The following ZDHHC14 variants were observed in gnomAD, a reference collection of about 807,000 sequenced individuals.
ZDHHC14 encodes the protein palmitoyltransferase ZDHHC14.
A neutral mutation model predicts 47.7 loss-of-function variants in ZDHHC14; 16 were observed. That is an observed-to-expected ratio of 0.34 (90% CI 0.23 to 0.51). The LOEUF is 0.51. Ranked by LOEUF, ZDHHC14 falls within the 20% of genes least tolerant of loss-of-function variation. ZDHHC14 has a pLI of 0.97. For missense variants in ZDHHC14, 515 were observed against 662.5 expected (o/e 0.78, Z 2.44); for synonymous variants, 293 against 278.9 (o/e 1.05, Z -0.50).
intron 1 of ZDHHC14, among the ~76,000 whole-genome samples, chr6:157,397,043 C>T (rs1443892792): frequency 6.6e-6 from 1 of 152,146 alleles, no homozygotes; most frequent in Non-Finnish European, 1.5e-5. Flanking sequence ...AATGTCATCA[C>T]CTTGAACCTG....
intron 1 of ZDHHC14, among the ~76,000 whole-genome samples, chr6:157,445,548 G>A (rs927146124): frequency 6.6e-5 from 10 of 152,294 alleles, no homozygotes; most frequent in East Asian, 1.9e-4. Flanking sequence ...GGTCCCTCAC[G>A]GTGTGTGGCA....
intron 1 of ZDHHC14, among the ~76,000 whole-genome samples, chr6:157,540,980 C>CT (rs1306725662): frequency 1.4e-5 from 2 of 145,702 alleles, no homozygotes; most frequent in Non-Finnish European, 3.0e-5. Context: ...GACTGTGTTT[C>CT]TTTTTTTAAC....
chr6:157,381,221 C>T lies in ZDHHC14; in HGVS notation c.-801C>T, dbSNP rs1215489116. 5.3e-5 allele frequency: 8 copies of T among 151,294 alleles called. No individual in the cohort carries two copies. The highest frequency in any genetic ancestry group is 1.7e-4 in the African/African-American group (7 of 41,142). 9.4% of individuals were successfully genotyped at this position (151,294 alleles called of 1,614,324 possible). A position where few individuals can be genotyped will look rare whatever the true frequency, so the allele number is the denominator to read the frequency against. On this transcript the variant is annotated 5_prime_UTR_variant, in exon 1 of 9. Transcript: ENST00000359775. ...TGCAAACAAGTGTCTGTGCTGTGTCCCCGCGGCCCTCCTCGCGCCGGGGCC... is the reference window on the plus strand; with the variant it reads ...TGCAAACAAGTGTCTGTGCTGTGTCTCCGCGGCCCTCCTCGCGCCGGGGCC...
intron 1 of ZDHHC14, among the ~76,000 whole-genome samples, chr6:157,541,622 CATG>C (rs1278563531): frequency 6.6e-6 from 1 of 152,204 alleles, no homozygotes; most frequent in African/African-American, 2.4e-5. Flanking sequence ...CCCCAATGCC[CATG>C]ATGTTATTTA....
In ZDHHC14 at chr6:157,482,329, C is replaced by A. The variant is rs146421821; in HGVS notation, c.246-60256C>A. Reference sequence around the variant, plus strand: ...AGGCTGGAGTGCAGTGGCACGATCTCGGCTCACTCTGCCTCCCATGTTCAA... The same window carrying A: ...AGGCTGGAGTGCAGTGGCACGATCTAGGCTCACTCTGCCTCCCATGTTCAA... On this transcript the variant is annotated intron_variant, in intron 1 of 8. Coordinates refer to ENST00000359775, the MANE Select transcript of ZDHHC14 (RefSeq NM_024630.3). Among the ~76,000 whole-genome samples, 77 of 146,020 alleles carry A rather than the reference C, an allele frequency of 5.3e-4. No homozygotes were observed. In the East Asian group the frequency reaches 0.014, roughly 27 times the overall value.
intron 1 of ZDHHC14, among the ~76,000 whole-genome samples, chr6:157,535,240 T>G (rs1023216738): frequency 6.6e-6 from 1 of 152,188 alleles, no homozygotes; most frequent in Non-Finnish European, 1.5e-5. Context: ...ACTCATGAAC[T>G]CTGCAGGTTC....
At chr6:157,535,178 C>T (rs549555604) in intron 1 of ZDHHC14, among the ~76,000 whole-genome samples, 12 of 152,290 alleles carry the variant, frequency 7.9e-5, no homozygotes, top group African/African-American at 2.2e-4. Context: ...CTTGTCTCCC[C>T]TCCTCCGCTC....
chr6:157,537,833 A>G (rs1009806488), intron 1 of ZDHHC14, among the ~76,000 whole-genome samples: 1 of 152,166 alleles, frequency 6.6e-6, no homozygotes, highest in Admixed American at 6.5e-5. Flanking sequence ...AGAATTTGCC[A>G]TACTGTGCAC....
At chr6:157,478,099 C>T (rs1779534834) in intron 1 of ZDHHC14, among the ~76,000 whole-genome samples, 1 of 152,020 alleles carries the variant, frequency 6.6e-6, no homozygotes, top group African/African-American at 2.4e-5. Flanking sequence ...GGTTCAGTGC[C>T]ACATCCTGGA....
intron 1 of ZDHHC14, among the ~76,000 whole-genome samples, chr6:157,515,457 CTTTTT>C (rs1187323622): frequency 7.7e-6 from 1 of 129,448 alleles, no homozygotes. Context: ...TTTTCTTTTT[CTTTTT>C]TTTTTTTTTT....
intron 1 of ZDHHC14, among the ~76,000 whole-genome samples, chr6:157,464,840 GCC>G (rs1180300026): frequency 1.3e-5 from 2 of 152,306 alleles, no homozygotes; most frequent in East Asian, 3.9e-4. Flanking sequence ...GCCCTTGGCT[GCC>G]TCCCTCACAA....
chr6:157,621,557 A>C (rs1283840710), intron 3 of ZDHHC14, among the ~76,000 whole-genome samples: 2 of 152,154 alleles, frequency 1.3e-5, no homozygotes, highest in East Asian at 3.9e-4. Flanking sequence ...GTCTGCCAAG[A>C]GCCTGTGACC....
In ZDHHC14 at chr6:157,593,088, C is replaced by T. The variant is rs1156740695; in HGVS notation, c.507C>T (p.Thr169=). The part of the protein sequence containing the change: ...GQTVKLKYCF[T]CKIFRPPRAS... ...CCGTGAAACTTAAATACTGTTTCAC[C>T]TGCAAGATTTTCCGGCCCCCTCGCG... is the stretch of plus-strand genomic sequence containing the variant. The change falls in exon 3 of 9, where the codon ACC becomes ACT. Residue 169 remains threonine (T), a synonymous_variant. Transcript: ENST00000359775. The T allele has an allele frequency of 2.5e-6, 4 of 1,614,044 alleles. No individual in the cohort carries two copies. Among genetic ancestry groups the T allele is most frequent in the Non-Finnish European group, 8.5e-7 (1 of 1,180,018 alleles).
intron 1 of ZDHHC14, among the ~76,000 whole-genome samples, chr6:157,470,987 G>A (rs917765773): frequency 2.6e-5 from 4 of 152,152 alleles, no homozygotes; most frequent in Admixed American, 1.3e-4. Flanking sequence ...TGGAGCAACC[G>A]GTCAGTCGTC....
At chr6:157,510,922 T>C (rs1027929080) in intron 1 of ZDHHC14, among the ~76,000 whole-genome samples, 1 of 152,242 alleles carries the variant, frequency 6.6e-6, no homozygotes, top group Non-Finnish European at 1.5e-5. Context: ...CCTGCCCATG[T>C]TTTTGCCCAT....
chr6:157,507,853 C>T (rs1780367302), intron 1 of ZDHHC14, among the ~76,000 whole-genome samples: 1 of 152,188 alleles, frequency 6.6e-6, no homozygotes, highest in Admixed American at 6.5e-5. Context: ...CATCATTTTC[C>T]TCCCTGCTTT....
intron 2 of ZDHHC14, among the ~76,000 whole-genome samples, chr6:157,555,607 A>C (rs34891950): frequency 0.25 from 37,549 of 152,202 alleles, 5,459 homozygotes; most frequent in African/African-American, 0.4. Flanking sequence ...AAAGAATTCC[A>C]GCTGGAGGGC....
At chr6:157,450,290 A>G (rs1778773052) in intron 1 of ZDHHC14, among the ~76,000 whole-genome samples, 1 of 152,132 alleles carries the variant, frequency 6.6e-6, no homozygotes, top group Non-Finnish European at 1.5e-5. Context: ...ATAAACATTA[A>G]CAAACAAATG....
chr6:157,654,269 G>C (rs879938334), intron 8 of ZDHHC14, among the ~76,000 whole-genome samples: 5 of 151,976 alleles, frequency 3.3e-5, no homozygotes, highest in Admixed American at 2.0e-4. Flanking sequence ...TCTGGGGGAG[G>C]GGGCAGGAGT....
Sources: gnomAD v4.1 joint callset for allele counts (sites outside exome capture counted in the v4.1 genomes callset) on GRCh38, gnomAD v4.1.1 for gene constraint, MANE v1.5 for transcripts, NCBI Gene and HGNC (gene_info 2026-07-23, HGNC 2026-07-21) for gene names.